RASGRF1: variants seen among roughly 807,000 people sequenced by gnomAD.
The protein encoded by RASGRF1 is ras-specific guanine nucleotide-releasing factor 1.
Under a neutral mutation model 138.7 loss-of-function variants are expected in RASGRF1, and 40 were observed. That is an observed-to-expected ratio of 0.29 (90% CI 0.22 to 0.38). The LOEUF (loss-of-function observed/expected upper bound fraction) is 0.38, where lower values mean the gene tolerates loss of function less well. Ranked by LOEUF, RASGRF1 falls within the 10% of genes least tolerant of loss-of-function variation. The pLI, the probability that RASGRF1 is intolerant of heterozygous loss-of-function variation, is 1.00. For missense variants in RASGRF1, 1,108 were observed against 1,650.4 expected, an observed-to-expected ratio of 0.67 and a Z score of 5.69; for synonymous variants, 614 against 663.2, an observed-to-expected ratio of 0.93 and a Z score of 1.14.
Position 78,991,717 on chromosome 15 carries a change from G to T in RASGRF1, c.3105C>A (p.His1035Gln). ...CATAAGGAATCTTCTTGAAGACGAG[G>T]TGATCTAGCAGGGTCAGCTGCTCCG... ...EIAEQLTLLD[H>Q]LVFKKIPYEE... Residue 1035 changes from histidine to glutamine, a missense_variant, in exon 21 of 27, where the codon CAC becomes CAA. Physicochemically the swap from His to Gln is conservative, Grantham distance 24. Transcript: ENST00000558480. 1 of 1,614,132 alleles carries T rather than the reference G, an allele frequency of 6.2e-7. No individual in the cohort carries two copies. Among genetic ancestry groups the T allele is most frequent in the African/African-American group, 1.3e-5 (1 of 75,048 alleles).
rs144724503 is a variant in RASGRF1, at chr15:78,992,343, G to A, written c.3028-549C>T. ...GTCCTGGGCCTTAGTCCGTGTCCCT[G>A]GCCCCCAGGGGCCACCCTTGGACAC... On this transcript the variant is annotated intron_variant, in intron 20 of 26. Coordinates refer to ENST00000558480, the MANE Select transcript of RASGRF1 (RefSeq NM_001145648.3). Among the ~76,000 whole-genome samples, 218 of 152,340 alleles carry A rather than the reference G, an allele frequency of 1.4e-3. 3 individuals are homozygous for A. Among genetic ancestry groups the A allele is most frequent in the African/African-American group, 5.0e-3 (206 of 41,570 alleles).
rs2057791484 is a variant in RASGRF1 at position 79,073,658 on chromosome 15, G to A, written c.277-9132C>T. ...GCTCTGGCTACAGGTGGTTGAGGATGGCATGGGGACAAGACTGGCTGCCCT... is the reference window on the plus strand; with the variant it reads ...GCTCTGGCTACAGGTGGTTGAGGATAGCATGGGGACAAGACTGGCTGCCCT... On this transcript the variant is annotated intron_variant, in intron 1 of 26. Transcript: ENST00000558480. This position sits in a 1 kb window ranked among gnomAD's most constrained non-coding sequence, Gnocchi z 4.2. 6.6e-6 allele frequency among the ~76,000 whole-genome samples: 1 copy of A among 152,228 alleles called. No individual in the cohort carries two copies. Among genetic ancestry groups the A allele is most frequent in the African/African-American group, 2.4e-5 (1 of 41,504 alleles).
intron 24 of RASGRF1, chr15:78,979,348 T>A: frequency 2.2e-6 from 1 of 451,802 alleles, no homozygotes. Flanking sequence ...AAAGCCACTG[T>A]CAAGGGCTGG....
intron 1 of RASGRF1, among the ~76,000 whole-genome samples, chr15:79,088,918 C>G (rs2058016766): frequency 6.6e-6 from 1 of 152,238 alleles, no homozygotes; most frequent in Admixed American, 6.5e-5. Flanking sequence ...AAATTCCTGT[C>G]CACACTTCCC....
chr15:79,033,581 CTTTT>C (rs71148586), intron 6 of RASGRF1, among the ~76,000 whole-genome samples: 4 of 93,978 alleles, frequency 4.3e-5, no homozygotes, highest in Non-Finnish European at 5.7e-5. Flanking sequence ...TTTTTCTTTT[CTTTT>C]TTTTTTTTTT....
chr15:79,040,583 A>C (rs1341621719), intron 5 of RASGRF1, among the ~76,000 whole-genome samples: 1 of 152,112 alleles, frequency 6.6e-6, no homozygotes, highest in African/African-American at 2.4e-5. Flanking sequence ...TGCACAGGCC[A>C]TTCCCTTTGC....
At chr15:78,965,246 G>A (rs1261713142) in intron 26 of RASGRF1, among the ~76,000 whole-genome samples, 1 of 152,142 alleles carries the variant, frequency 6.6e-6, no homozygotes, top group Non-Finnish European at 1.5e-5. Context: ...TTTTTGGTGA[G>A]CATGATTCGG....
At position 79,004,085 on chromosome 15, in the gene RASGRF1, G is replaced by C; in HGVS notation, c.2166C>G (p.Ser722=). Residue 722 remains serine, a synonymous_variant, in exon 15 of 27, where the codon TCC becomes TCG. Coordinates refer to ENST00000558480, the MANE Select transcript of RASGRF1 (RefSeq NM_001145648.3). ...PKSPRATRKF[S]SPPPLSITKT... Reference sequence around the variant, plus strand: ...TGGTGATGGACAGAGGTGGCGGCGAGGAGAACTTGCGGGTGGCGCGCGGGG... The same window carrying C: ...TGGTGATGGACAGAGGTGGCGGCGACGAGAACTTGCGGGTGGCGCGCGGGG... 1 of 1,614,056 alleles carries C rather than the reference G, an allele frequency of 6.2e-7. No individual in the cohort carries two copies. Among genetic ancestry groups the C allele is most frequent in the Non-Finnish European group, 8.5e-7 (1 of 1,179,972 alleles).
At chr15:79,063,069 C>T (rs2057629959) in intron 2 of RASGRF1, among the ~76,000 whole-genome samples, 2 of 152,198 alleles carry the variant, frequency 1.3e-5, no homozygotes, top group Admixed American at 6.5e-5. Context: ...CAGATTCTCC[C>T]ATTTCCCTGC....
intron 13 of RASGRF1, among the ~76,000 whole-genome samples, chr15:79,008,263 T>C (rs1174404952): frequency 3.9e-5 from 6 of 152,246 alleles, no homozygotes; most frequent in Non-Finnish European, 4.4e-5. Context: ...GGAAGCATTC[T>C]TGGGATTTGA....
intron 24 of RASGRF1, among the ~76,000 whole-genome samples, chr15:78,977,292 A>T (rs189922475): frequency 6.6e-6 from 1 of 152,140 alleles, no homozygotes; most frequent in Non-Finnish European, 1.5e-5. Context: ...CCTCTCTCCC[A>T]TCTTGAGGCC....
At position 79,001,762 on chromosome 15, in the gene RASGRF1, C is replaced by T. The variant is rs746215696; in HGVS notation, c.2475G>A (p.Glu825=). 1.2e-6 allele frequency: 2 copies of T among 1,603,014 alleles called. No individual in the cohort carries two copies. The highest frequency in any genetic ancestry group is 1.7e-6 in the Non-Finnish European group (2 of 1,172,212). The change falls in exon 16 of 27, where the codon GAG becomes GAA. Residue 825 remains glutamate, a synonymous_variant. Coordinates refer to ENST00000558480, the MANE Select transcript of RASGRF1 (RefSeq NM_001145648.3). ...CACTCTGGTTTTGATCAATATCTGA[C>T]TCCTCTCTCATGGAGACTTCTGAGC... ...KQSSEVSMRE[E]SDIDQNQSDD... is the part of the protein sequence containing the mutation.
chr15:79,014,116 A>G (rs1415391065), intron 13 of RASGRF1, among the ~76,000 whole-genome samples: 1 of 152,216 alleles, frequency 6.6e-6, no homozygotes, highest in Non-Finnish European at 1.5e-5. Flanking sequence ...TGAAAAGGTA[A>G]GACTTCTGTA....
intron 10 of RASGRF1, among the ~76,000 whole-genome samples, chr15:79,020,595 G>A (rs1028532103): frequency 6.6e-6 from 1 of 152,206 alleles, no homozygotes; most frequent in Non-Finnish European, 1.5e-5. Context: ...TTCAAGGTCC[G>A]CTGGCAAGTT....
At chr15:79,064,630 A>T (rs1344738508) in intron 1 of RASGRF1, 104 bp from the exon 2 acceptor site, 2 of 1,010,328 alleles carry the variant, frequency 2.0e-6, no homozygotes, top group Non-Finnish European at 3.1e-6. Flanking sequence ...CTGCCACATC[A>T]GCTAGGCACA....
chr15:79,058,700 C>T (rs139310949), intron 2 of RASGRF1, among the ~76,000 whole-genome samples: 27 of 152,268 alleles, frequency 1.8e-4, no homozygotes, highest in African/African-American at 4.6e-4. Context: ...GGCCCGAGTG[C>T]GAGCCTGATC....
chr15:79,006,582 AG>A lies in RASGRF1; in HGVS notation c.1827-149del. Reference sequence around the variant, plus strand: ...ACAAGCTTGGGAAGGATGACACTGAAGGAGGGCTACAACTTCTTTTTCCCAA... The same window carrying A: ...ACAAGCTTGGGAAGGATGACACTGAAGAGGGCTACAACTTCTTTTTCCCAA... On this transcript the variant is annotated intron_variant, in intron 13 of 26. Coordinates refer to ENST00000558480, the MANE Select transcript of RASGRF1 (RefSeq NM_001145648.3). The surrounding 1 kb of genome is among the most constrained non-coding windows in gnomAD (Gnocchi z 4.0). 1 of 982,552 alleles carries A rather than the reference AG, an allele frequency of 1.0e-6. No individual in the cohort carries two copies. The highest frequency in any genetic ancestry group is 2.6e-5 in the East Asian group (1 of 37,844). The allele number at this position is 982,552 out of a possible 1,614,324, so 60.9% of individuals were successfully genotyped here.
At chr15:78,999,992 G>A (rs1595886566) in intron 16 of RASGRF1, 79 bp from the exon 17 acceptor site, 2 of 1,486,084 alleles carry the variant, frequency 1.3e-6, no homozygotes, top group Non-Finnish European at 9.3e-7. Context: ...GGGTCCCGAG[G>A]CTAGAGCAGC....
intron 8 of RASGRF1, among the ~76,000 whole-genome samples, chr15:79,029,852 G>A (rs1302749142): frequency 6.6e-6 from 1 of 152,118 alleles, no homozygotes; most frequent in Non-Finnish European, 1.5e-5. Flanking sequence ...AGGATCCCGG[G>A]GATAAGGGAT....
Sources: gnomAD v4.1 joint callset for allele counts (sites outside exome capture counted in the v4.1 genomes callset) on GRCh38, gnomAD v4.1.1 for gene constraint, Gnocchi (gnomAD v3.1) non-coding constraint, MANE v1.5 for transcripts, NCBI Gene and HGNC (gene_info 2026-07-23, HGNC 2026-07-21) for gene names.